Variants in SCN10A observed in about 807,000 individuals in gnomAD.
SCN10A encodes the protein sodium voltage-gated channel alpha subunit 10, also known as sodium channel protein type 10 subunit alpha.
SCN10A carries 162 observed loss-of-function variants against 170.7 expected under a neutral mutation model. That is an observed-to-expected ratio of 0.95 (90% CI 0.84 to 1.08). The LOEUF is 1.08. Among genes scored for constraint, SCN10A ranks in the 50% least tolerant of loss-of-function variants. The probability of loss-of-function intolerance (pLI) is 0.00; values close to 1 mark genes in which losing one functional copy is unlikely to be tolerated. For missense variants in SCN10A, 2,527 were observed against 2,436.9 expected (o/e 1.04, Z -0.78); for synonymous variants, 985 against 904.6 (o/e 1.09, Z -1.59).
At chr3:38,785,431 G>T (rs943854318) in intron 4 of SCN10A, among the ~76,000 whole-genome samples, 1 of 152,126 alleles carries the variant, frequency 6.6e-6, no homozygotes, top group African/African-American at 2.4e-5. Flanking sequence ...CTAGCCTTAG[G>T]CAGAAAATTG....
chr3:38,710,762 T>C (rs1371671249), intron 24 of SCN10A, 82 bp downstream of exon 24: 9 of 1,346,440 alleles, frequency 6.7e-6, no homozygotes, highest in Middle Eastern at 1.8e-4. Context: ...ACCAGGGTCA[T>C]CGTCACTTCA....
rs764555780 is a variant in SCN10A at position 38,714,020 on chromosome 3, C to G, written c.3742G>C (p.Ala1248Pro). ...CGCAGAGCGCGAAGGGTTCGAAGGG[C>G]TTTGATGGGAGCCACTTCAGAATAT... The part of the protein sequence containing the change: ...LEYSEVAPIK[A>P]LRTLRALRPL... Residue 1248 changes from alanine to proline, a missense_variant, in exon 22 of 28, where the codon GCC becomes CCC. By Grantham distance (27) the Ala-to-Pro change is conservative. Coordinates refer to ENST00000449082, the MANE Select transcript of SCN10A (RefSeq NM_006514.4). 1.1e-5 allele frequency: 17 copies of G among 1,614,164 alleles called. No homozygotes were observed. Among genetic ancestry groups the G allele is most frequent in the Non-Finnish European group, 1.3e-5 (15 of 1,180,046 alleles).
chr3:38,757,598 G>T (rs2063822929), intron 8 of SCN10A, among the ~76,000 whole-genome samples: 1 of 152,208 alleles, frequency 6.6e-6, no homozygotes, highest in South Asian at 2.1e-4. Context: ...CACTTACTGA[G>T]CACTTTCTGT....
At chr3:38,794,785 T>C (rs974320172) in intron 1 of SCN10A, among the ~76,000 whole-genome samples, 1 of 152,226 alleles carries the variant, frequency 6.6e-6, no homozygotes, top group African/African-American at 2.4e-5. Context: ...TCTTCTAGTC[T>C]GAGGTTTCAA....
chr3:38,718,836 A>G lies in SCN10A; in HGVS notation c.3508-10T>C, dbSNP rs1305348038. 6.2e-7 allele frequency: 1 copy of G among 1,613,424 alleles called. No homozygotes were observed. Among genetic ancestry groups the G allele is most frequent in the Admixed American group, 1.7e-5 (1 of 59,982 alleles). On this transcript the variant is annotated splice_polypyrimidine_tract_variant and intron_variant, in intron 20 of 27. Transcript: ENST00000449082. ...AATAGTCTTCAAAGGCCTGGAAGGA[A>G]GAAAGGATGCAGAATGGCAGGCTGC...
intron 2 of SCN10A, among the ~76,000 whole-genome samples, chr3:38,793,225 A>G (rs1279116765): frequency 6.6e-6 from 1 of 152,300 alleles, no homozygotes; most frequent in Non-Finnish European, 1.5e-5. Context: ...ATGTATGATC[A>G]TAAGAGAAAG....
intron 1 of SCN10A, among the ~76,000 whole-genome samples, chr3:38,810,991 TA>T (rs2064437941): frequency 6.6e-6 from 1 of 152,228 alleles, no homozygotes; most frequent in African/African-American, 2.4e-5. Flanking sequence ...TTCCATTGGT[TA>T]AGAAACTTAT....
At chr3:38,766,007 G>A (rs1286938222) in intron 5 of SCN10A, among the ~76,000 whole-genome samples, 1 of 151,698 alleles carries the variant, frequency 6.6e-6, no homozygotes, top group Non-Finnish European at 1.5e-5. Context: ...TTGTAAAAGG[G>A]ATTGAGTTCT....
At chr3:38,758,021 T>A (rs1301608369) in intron 8 of SCN10A, among the ~76,000 whole-genome samples, 2 of 152,356 alleles carry the variant, frequency 1.3e-5, no homozygotes, top group South Asian at 2.1e-4. Flanking sequence ...ATTATTTTTT[T>A]AAATTTTTTT....
intron 13 of SCN10A, among the ~76,000 whole-genome samples, chr3:38,748,814 G>A (rs919928090): frequency 1.3e-5 from 2 of 152,064 alleles, no homozygotes; most frequent in African/African-American, 2.4e-5. Context: ...TCTTAAAAAC[G>A]TCTTTGTTTC....
At chr3:38,744,401 G>C (rs778810623) in intron 13 of SCN10A, among the ~76,000 whole-genome samples, 2 of 151,860 alleles carry the variant, frequency 1.3e-5, no homozygotes, top group African/African-American at 2.4e-5. Context: ...GTTTTTTCCT[G>C]ATAATTTAAA....
chr3:38,798,570 A>C (rs1036308393), intron 1 of SCN10A, among the ~76,000 whole-genome samples: 4 of 152,154 alleles, frequency 2.6e-5, no homozygotes, highest in African/African-American at 9.7e-5. Context: ...CCTGATACTC[A>C]CTTCTTGGAT....
In SCN10A at chr3:38,757,221, G is replaced by T. The variant is rs901246728; in HGVS notation, c.951-62C>A. 3.4e-6 allele frequency: 5 copies of T among 1,490,616 alleles called. No individual in the cohort carries two copies. In the Admixed American group the frequency reaches 8.8e-5, roughly 26 times the overall value. 92.3% of individuals were successfully genotyped at this position (1,490,616 alleles called of 1,614,324 possible). On this transcript the variant is annotated intron_variant, in intron 8 of 27. Transcript: ENST00000449082. ...TGCAGACAAGGTAGCCCAGGGCTGC[G>T]AGACAACCACAGAGTTTTATGTCAG...
At chr3:38,771,225 C>T (rs992570458) in intron 5 of SCN10A, 54 bp downstream of exon 5, 3 of 1,595,700 alleles carry the variant, frequency 1.9e-6, no homozygotes, top group East Asian at 2.2e-5. Flanking sequence ...CTCCTACCCA[C>T]CATTTTGTCC....
At chr3:38,702,956 C>G (rs1360227944) in intron 26 of SCN10A, among the ~76,000 whole-genome samples, 1 of 152,188 alleles carries the variant, frequency 6.6e-6, no homozygotes, top group African/African-American at 2.4e-5. Flanking sequence ...ATTCCCCACG[C>G]TTTGACCTTC....
chr3:38,811,057 C>T (rs1050433697), intron 1 of SCN10A, among the ~76,000 whole-genome samples: 4 of 152,132 alleles, frequency 2.6e-5, no homozygotes, highest in Non-Finnish European at 5.9e-5. Flanking sequence ...CCATACTTTC[C>T]ATGCTTAAAT....
intron 4 of SCN10A, among the ~76,000 whole-genome samples, chr3:38,779,502 T>A (rs1470187713): frequency 1.3e-5 from 2 of 152,190 alleles, no homozygotes; most frequent in East Asian, 1.9e-4. Context: ...ATTTATTAGA[T>A]CTACTGTTTT....
Position 38,760,889 on chromosome 3 carries a change from G to A in SCN10A, c.884-142C>T, listed in dbSNP as rs913709909. On this transcript the variant is annotated intron_variant, in intron 7 of 27. Transcript: ENST00000449082. The stretch of plus-strand genomic sequence containing the variant: ...ACTCAGTGGGCATGCTGGGCCACAT[G>A]GAAGTTGTAAAGTCACATCTGAAAA... 3 of 681,636 alleles carry A rather than the reference G, an allele frequency of 4.4e-6. No individual in the cohort carries two copies. In the African/African-American group the frequency reaches 5.4e-5, roughly 12 times the overall value. The allele number at this position is 681,636 out of a possible 1,614,324, so 42.2% of individuals were successfully genotyped here.
intron 4 of SCN10A, among the ~76,000 whole-genome samples, chr3:38,780,589 G>A (rs539387247): frequency 5.3e-5 from 8 of 151,816 alleles, no homozygotes; most frequent in African/African-American, 1.7e-4. Context: ...GTTTGATATT[G>A]GAATACATTC....
Sources: allele counts gnomAD v4.1 joint callset (sites outside exome capture counted in the v4.1 genomes callset), GRCh38; gene constraint gnomAD v4.1.1; transcripts MANE v1.5; gene names NCBI Gene and HGNC (gene_info 2026-07-23, HGNC 2026-07-21).